Variants in RPS6KA3 observed in about 807,000 individuals in gnomAD.
RPS6KA3 encodes ribosomal protein S6 kinase A3.
In RPS6KA3, 4 loss-of-function variants were observed where a neutral mutation model predicts 67.2. That is an observed-to-expected ratio of 0.06 (90% CI 0.03 to 0.14). The LOEUF (loss-of-function observed/expected upper bound fraction) is 0.14, where lower values mean the gene tolerates loss of function less well. Among genes scored for constraint, RPS6KA3 ranks in the 10% least tolerant of loss-of-function variants. The pLI, the probability that RPS6KA3 is intolerant of heterozygous loss-of-function variation, is 1.00. For synonymous variants in RPS6KA3, 182 were observed against 183.7 expected, an observed-to-expected ratio of 0.99 and a Z score of 0.07; for missense variants, 204 against 559.0, an observed-to-expected ratio of 0.36 and a Z score of 6.40.
chrX:20,169,435 A>G lies in RPS6KA3; in HGVS notation c.1410T>C (p.Tyr470=). 8.4e-7 allele frequency: 1 copy of G among 1,193,112 alleles called. No individual in the cohort carries two copies. The highest frequency in any genetic ancestry group is 1.7e-5 in the African/African-American group (1 of 57,667). Residue 470 remains tyrosine, a synonymous_variant, in exon 16 of 22, where the codon TAT becomes TAC. Transcript: ENST00000379565. The part of the protein sequence containing the change: ...PTEEIEILLR[Y]GQHPNIITLK... ...GAGTGATAATGTTTGGATGCTGTCC[A>G]TAACGAAGAAGAATTTCAATTTCTT...
At chrX:20,247,288 G>A (rs775579442) in intron 1 of RPS6KA3, among the ~76,000 whole-genome samples, 14 of 110,519 alleles carry the variant, frequency 1.3e-4, no homozygotes, top group Non-Finnish European at 2.1e-4. Context: ...TTAGCTGGGC[G>A]TGGTGGCACA....
intron 2 of RPS6KA3, among the ~76,000 whole-genome samples, chrX:20,214,857 GAGACAGGGTCT>G (rs2068809181): frequency 1.0e-4 from 3 of 29,166 alleles, no homozygotes; most frequent in Admixed American, 4.4e-4. Flanking sequence ...TTTTTTTTTT[GAGACAGGGTCT>G]CACTCTGTCA....
chrX:20,201,243 C>G (rs1390906595), intron 4 of RPS6KA3, among the ~76,000 whole-genome samples: 1 of 111,487 alleles, frequency 9.0e-6, no homozygotes, highest in Non-Finnish European at 1.9e-5. Context: ...TCAAGAGATA[C>G]TCTTGCCTCA....
intron 1 of RPS6KA3, among the ~76,000 whole-genome samples, chrX:20,249,250 G>C (rs773325827): frequency 8.9e-6 from 1 of 112,137 alleles, no homozygotes; most frequent in South Asian, 3.7e-4. Flanking sequence ...TTTTTGGATA[G>C]TACAAATAAA....
chrX:20,168,432 C>A (rs990092071), intron 16 of RPS6KA3, among the ~76,000 whole-genome samples: 2 of 111,728 alleles, frequency 1.8e-5, no homozygotes, highest in Admixed American at 9.5e-5. Flanking sequence ...AATTTACATA[C>A]TAGAACACAG....
intron 1 of RPS6KA3, among the ~76,000 whole-genome samples, chrX:20,263,833 A>G (rs779563754): frequency 1.8e-5 from 2 of 111,614 alleles, no homozygotes; most frequent in East Asian, 5.6e-4. Context: ...AGGGGGGGAA[A>G]AATGTCTGCT....
At chrX:20,186,245 A>G (rs994743242) in intron 10 of RPS6KA3, 51 bp downstream of exon 10, 2 of 870,852 alleles carry the variant, frequency 2.3e-6, no homozygotes, top group African/African-American at 2.0e-5. Flanking sequence ...CCCAGCCTGA[A>G]GCATTTATTT....
chrX:20,237,661 GAAAGAACTTTATA>G (rs2069449094), intron 1 of RPS6KA3, among the ~76,000 whole-genome samples: 1 of 111,537 alleles, frequency 9.0e-6, no homozygotes, highest in South Asian at 3.7e-4. Context: ...TAATTCAGAA[GAAAGAACTTTATA>G]AATGTTAAAG....
chrX:20,233,564 C>T (rs1810014785), intron 2 of RPS6KA3, among the ~76,000 whole-genome samples: 1 of 109,774 alleles, frequency 9.1e-6, no homozygotes, highest in Non-Finnish European at 1.9e-5. Flanking sequence ...CATAGCAAGA[C>T]CCCATCTGTA....
intron 1 of RPS6KA3, among the ~76,000 whole-genome samples, chrX:20,244,540 C>A (rs1337600397): frequency 1.8e-5 from 2 of 112,273 alleles, no homozygotes; most frequent in Non-Finnish European, 3.8e-5. Context: ...AATTAAAAAT[C>A]ATCCATGAGG....
At chrX:20,252,588 G>A (rs775007114) in intron 1 of RPS6KA3, among the ~76,000 whole-genome samples, 1 of 110,468 alleles carries the variant, frequency 9.1e-6, no homozygotes, top group East Asian at 2.8e-4. Flanking sequence ...AATGAAAGTA[G>A]GGCACCAACC....
chrX:20,251,695 TAAG>T (rs1332810627), intron 1 of RPS6KA3, among the ~76,000 whole-genome samples: 12 of 113,266 alleles, frequency 1.1e-4, no homozygotes, highest in Admixed American at 3.7e-4. Context: ...TTAGTAGTAT[TAAG>T]TATATTCACA....
At chrX:20,161,093 T>C (rs2067294661) in intron 20 of RPS6KA3, among the ~76,000 whole-genome samples, 1 of 112,049 alleles carries the variant, frequency 8.9e-6, no homozygotes, top group Non-Finnish European at 1.9e-5. Flanking sequence ...ATGCAGATGC[T>C]ATGAAACTAT....
At chrX:20,252,103 G>A (rs1360717773) in intron 1 of RPS6KA3, among the ~76,000 whole-genome samples, 1 of 111,896 alleles carries the variant, frequency 8.9e-6, no homozygotes, top group East Asian at 2.8e-4. Flanking sequence ...AGCCCATGTA[G>A]TAAGTTTATT....
rs1418900711 is a variant in RPS6KA3 at position 20,180,100 on chromosome X, C to CA, written c.846-3017_846-3016insT. ...CAAGACCTCATCTCCAAAATTTAAA[C>CA]TTTTTTTTTTTTTTTTAAAAGAAAA... On this transcript the variant is annotated intron_variant, in intron 10 of 21. Transcript: ENST00000379565. 3.0e-5 allele frequency among the ~76,000 whole-genome samples: 3 copies of CA among 98,618 alleles called. No homozygotes were observed. The East Asian group carries it at 9.5e-4, about 31-fold the overall frequency. 85.6% of individuals were successfully genotyped at this position (98,618 alleles called of 115,157 possible). A position where few individuals can be genotyped will look rare whatever the true frequency, so the allele number is the denominator to read the frequency against.
chrX:20,254,254 T>G (rs745982902), intron 1 of RPS6KA3, among the ~76,000 whole-genome samples: 11 of 112,476 alleles, frequency 9.8e-5, no homozygotes, highest in Non-Finnish European at 2.1e-4. Flanking sequence ...CCTATTAAGA[T>G]TAATAATTAA....
At chrX:20,266,451 GA>G in intron 1 of RPS6KA3, 112 bp downstream of exon 1, 2 of 624,650 alleles carry the variant, frequency 3.2e-6, no homozygotes, top group Non-Finnish European at 5.0e-6. Context: ...GAGCCCGGGG[GA>G]AAGACGCGAG....
chrX:20,243,760 T>G (rs1453835695), intron 1 of RPS6KA3, among the ~76,000 whole-genome samples: 1 of 110,732 alleles, frequency 9.0e-6, no homozygotes, highest in Non-Finnish European at 1.9e-5. Flanking sequence ...TCCCAAAGCG[T>G]TGGGATTACA....
In RPS6KA3 at chrX:20,265,291, C is replaced by T. The variant is rs146551594; in HGVS notation, c.69+1273G>A. Among the ~76,000 whole-genome samples, 12 of 111,726 alleles carry T rather than the reference C, an allele frequency of 1.1e-4. No homozygotes were observed. In the South Asian group the frequency reaches 2.2e-3, roughly 21 times the overall value. ...AAAGCGATTTGAACTGATCCCCCGC[C>T]CTCTCCATTATACCGGAGAATGCAA... On this transcript the variant is annotated intron_variant, in intron 1 of 21. Coordinates refer to ENST00000379565, the MANE Select transcript of RPS6KA3 (RefSeq NM_004586.3).
Sources: gnomAD v4.1 joint callset for allele counts (sites outside exome capture counted in the v4.1 genomes callset) on GRCh38, gnomAD v4.1.1 for gene constraint, MANE v1.5 for transcripts, NCBI Gene and HGNC (gene_info 2026-07-23, HGNC 2026-07-21) for gene names.